ABCA10: variants seen among roughly 807,000 people sequenced by gnomAD.
The protein encoded by ABCA10 is ATP binding cassette subfamily A member 10.
A neutral mutation model predicts 187.5 loss-of-function variants in ABCA10; 169 were observed. The observed-to-expected ratio is 0.90, with a 90% confidence interval of 0.80 to 1.02. ABCA10 has a LOEUF of 1.02. Ranked by LOEUF, ABCA10 falls within the 50% of genes least tolerant of loss-of-function variation. ABCA10 has a pLI of 0.00. For missense variants in ABCA10, 1,727 were observed against 1,812.4 expected (o/e 0.95, Z 0.86); for synonymous variants, 574 against 601.8 (o/e 0.95, Z 0.68).
At position 69,174,225 on chromosome 17, in the gene ABCA10, T is replaced by G. The variant is rs1200479844; in HGVS notation, c.3162+56A>C. The G allele has an allele frequency of 3.0e-6, 4 of 1,317,780 alleles. No individual in the cohort carries two copies. In the African/African-American group the frequency reaches 6.1e-5, roughly 20 times the overall value. The allele number at this position is 1,317,780 out of a possible 1,614,324, so 81.6% of individuals were successfully genotyped here. A position where few individuals can be genotyped will look rare whatever the true frequency, so the allele number is the denominator to read the frequency against. On this transcript the variant is annotated intron_variant, in intron 25 of 38. Coordinates refer to ENST00000690296, the MANE Select transcript of ABCA10 (RefSeq NM_001377321.1). ...AAAGTATTTATACTTAAATTTGCAT[T>G]TAAAAAAACTTCAAGGAAATTTAAT...
chr17:69,209,532 AAAT>A (rs563469702), intron 9 of ABCA10, among the ~76,000 whole-genome samples: 30 of 152,238 alleles, frequency 2.0e-4, no homozygotes, highest in Non-Finnish European at 4.0e-4. Context: ...AGAAAGCTAT[AAAT>A]ATTTTTCAAA....
At chr17:69,164,660 G>T (rs547193155) in intron 26 of ABCA10, among the ~76,000 whole-genome samples, 1 of 152,234 alleles carries the variant, frequency 6.6e-6, no homozygotes, top group Non-Finnish European at 1.5e-5. Context: ...CCACAAGAGA[G>T]CATGTTTTAT....
rs116111553 is a variant in ABCA10, at chr17:69,198,351, C to T, written c.1176-1229G>A. Reference sequence around the variant, plus strand: ...AGGACATATCAGAGACTACATTTCACGGAACCCTCTTTTCAGTATCAGATT... The same window carrying T: ...AGGACATATCAGAGACTACATTTCATGGAACCCTCTTTTCAGTATCAGATT... On this transcript the variant is annotated intron_variant, in intron 10 of 38. Coordinates refer to ENST00000690296, the MANE Select transcript of ABCA10 (RefSeq NM_001377321.1). Among the ~76,000 whole-genome samples the T allele has an allele frequency of 3.3e-3, 500 of 152,212 alleles. 7 individuals carry two copies. Among genetic ancestry groups the T allele is most frequent in the African/African-American group, 7.3e-3 (304 of 41,538 alleles).
chr17:69,241,406 C>T (rs1203063803), intron 1 of ABCA10, among the ~76,000 whole-genome samples: 1 of 152,202 alleles, frequency 6.6e-6, no homozygotes, highest in Non-Finnish European at 1.5e-5. Flanking sequence ...TTATTTTCAA[C>T]ACAGCAGCTA....
chr17:69,229,110 A>G (rs1049064743), upstream of ABCA10, among the ~76,000 whole-genome samples: 1 of 152,078 alleles, frequency 6.6e-6, no homozygotes, highest in African/African-American at 2.4e-5. Context: ...CATTTCAGTT[A>G]AATGGTTCCT....
chr17:69,170,096 T>C (rs576051228), intron 25 of ABCA10, among the ~76,000 whole-genome samples: 16 of 152,040 alleles, frequency 1.1e-4, no homozygotes, highest in Non-Finnish European at 1.9e-4. Context: ...AAGACCAGCC[T>C]GGCCAAGATG....
chr17:69,211,305 C>T (rs1350102721), intron 9 of ABCA10, among the ~76,000 whole-genome samples: 5 of 9,728 alleles, frequency 5.1e-4, no homozygotes, highest in African/African-American at 2.0e-3. Flanking sequence ...ATATATACAT[C>T]ATATATATGA....
intron 36 of ABCA10, among the ~76,000 whole-genome samples, chr17:69,150,908 T>TA (rs2074122687): frequency 6.6e-6 from 1 of 152,202 alleles, no homozygotes; most frequent in Admixed American, 6.5e-5. Context: ...GTTGTGGTGG[T>TA]ACTGTCCACA....
chr17:69,155,556 T>C (rs1568048944), intron 29 of ABCA10, among the ~76,000 whole-genome samples: 2 of 152,148 alleles, frequency 1.3e-5, no homozygotes, highest in Non-Finnish European at 1.5e-5. Context: ...ATTAAAAAAT[T>C]CGAGAACTTG....
chr17:69,219,420 G>T (rs1211612080), intron 6 of ABCA10, 125 bp downstream of exon 6: 9 of 607,238 alleles, frequency 1.5e-5, no homozygotes, highest in Admixed American at 3.5e-5. Flanking sequence ...AAACTCTAAT[G>T]CAAGTAAGGT....
At chr17:69,179,182 C>CA (rs1196991218) in intron 22 of ABCA10, among the ~76,000 whole-genome samples, 147 of 114,572 alleles carry the variant, frequency 1.3e-3, no homozygotes, top group African/African-American at 3.7e-3. Context: ...AACTCCATCT[C>CA]AAAAAAAAAC....
chr17:69,182,726 G>A lies in ABCA10; in HGVS notation c.2580C>T (p.Gly860=), dbSNP rs765881051. The change falls in exon 21 of 39, where the codon GGC becomes GGT. Residue 860 remains glycine, a synonymous_variant. Coordinates refer to ENST00000690296, the MANE Select transcript of ABCA10 (RefSeq NM_001377321.1). ...CTCCATTGTAGGAGGGATCATCTGA[G>A]CCATTTCTGTTTCTAAAGTCATCTA... is the stretch of plus-strand genomic sequence containing the variant. ...LEIDDFRNRN[G]SDDPSYNGAI... 1.9e-6 allele frequency: 3 copies of A among 1,612,158 alleles called. No homozygotes were observed. The highest frequency in any genetic ancestry group is 1.1e-5 in the South Asian group (1 of 90,964).
chr17:69,216,365 T>A lies in ABCA10; in HGVS notation c.531-7A>T. 1.2e-6 allele frequency: 2 copies of A among 1,606,494 alleles called. No individual in the cohort carries two copies. The highest frequency in any genetic ancestry group is 1.7e-6 in the Non-Finnish European group (2 of 1,177,040). On this transcript the variant is annotated splice_polypyrimidine_tract_variant and splice_region_variant and intron_variant, in intron 6 of 38. Transcript: ENST00000690296. ...TGTCAATCCCCAGGAGAGCCTATAG[T>A]AGAAACAAGGTGTTAGTTCAACTGT...
chr17:69,238,076 C>T (rs1020112614), intron 1 of ABCA10, among the ~76,000 whole-genome samples: 3 of 151,408 alleles, frequency 2.0e-5, no homozygotes, highest in Non-Finnish European at 4.4e-5. Context: ...GCAAGAGAAT[C>T]GCTTGAACCC....
chr17:69,201,533 AC>A lies in ABCA10; in HGVS notation c.1141del (p.Val381CysfsTer11). On this transcript the variant is annotated frameshift_variant, in exon 10 of 39. Coordinates refer to ENST00000690296, the MANE Select transcript of ABCA10 (RefSeq NM_001377321.1). LOFTEE classifies it high-confidence loss of function. ...EHSSDDSFEP[V>X]SPEFHGKEAI... is the part of the protein sequence containing the mutation. ...TTCTTTTCCATGGAATTCTGGAGACACCGGTTCAAAAGAATCATCAGAGGAA... is the reference window on the plus strand; with the variant it reads ...TTCTTTTCCATGGAATTCTGGAGACACGGTTCAAAAGAATCATCAGAGGAA... 2.5e-6 allele frequency: 4 copies of A among 1,605,588 alleles called. No individual in the cohort carries two copies. Among genetic ancestry groups the A allele is most frequent in the Non-Finnish European group, 3.4e-6 (4 of 1,177,436 alleles).
rs2074179485 is a variant in ABCA10 at position 69,156,992 on chromosome 17, C to T, written c.3364-69G>A. On this transcript the variant is annotated intron_variant, in intron 27 of 38. Transcript: ENST00000690296. ...TTCACACTCAATGGTGAATATTTGT[C>T]CATTTTTTTGTCACAGAAGATTTGA... is the stretch of plus-strand genomic sequence containing the variant. 4.2e-6 allele frequency: 4 copies of T among 955,680 alleles called. No individual in the cohort carries two copies. The South Asian group carries it at 8.5e-5, about 20-fold the overall frequency. 59.2% of individuals were successfully genotyped at this position (955,680 alleles called of 1,614,324 possible).
upstream of ABCA10, among the ~76,000 whole-genome samples, chr17:69,232,335 G>A (rs564730552): frequency 1.4e-4 from 21 of 151,870 alleles, no homozygotes; most frequent in African/African-American, 5.1e-4. Context: ...CTTCCTTTGT[G>A]TGTAAATGAT....
In ABCA10 at chr17:69,216,326, A is replaced by G. The variant is rs1283376638; in HGVS notation, c.563T>C (p.Ile188Thr). ...LSWGLTYICF[I>T]FIMSIFMALV... ...AGCCATAAAAATGGACATAATGAAG[A>G]TGAAGCAAATGTATGTCAATCCCCA... Residue 188 changes from isoleucine (I) to threonine (T), a missense_variant, in exon 7 of 39, where the codon ATC (isoleucine) becomes ACC (threonine). By Grantham distance (89) the Ile-to-Thr change is moderately conservative. Transcript: ENST00000690296. The G allele has an allele frequency of 1.2e-6, 2 of 1,613,188 alleles. No individual in the cohort carries two copies. Among genetic ancestry groups the G allele is most frequent in the Non-Finnish European group, 1.7e-6 (2 of 1,179,628 alleles).
intron 24 of ABCA10, 75 bp downstream of exon 24, chr17:69,174,532 C>A (rs1328752184): frequency 2.7e-6 from 4 of 1,482,236 alleles, no homozygotes; most frequent in Non-Finnish European, 9.1e-7. Flanking sequence ...TTGCTAATGA[C>A]AAAACATTCA....
Sources: allele counts gnomAD v4.1 joint callset (sites outside exome capture counted in the v4.1 genomes callset), GRCh38; gene constraint gnomAD v4.1.1; transcripts MANE v1.5; gene names NCBI Gene and HGNC (gene_info 2026-07-23, HGNC 2026-07-21).